The following CFAP20DC variants were observed in gnomAD, a reference collection of about 807,000 sequenced individuals.
CFAP20DC encodes CFAP20 domain containing.
Under a neutral mutation model 101.7 loss-of-function variants are expected in CFAP20DC, and 84 were observed. The observed-to-expected ratio is 0.83, with a 90% CI of 0.69 to 0.99. CFAP20DC has a LOEUF of 0.99. Among genes scored for constraint, CFAP20DC ranks in the 50% least tolerant of loss-of-function variants. The pLI, the probability that CFAP20DC is intolerant of heterozygous loss-of-function variation, is 0.00. For synonymous variants in CFAP20DC, 359 were observed against 351.2 expected, an observed-to-expected ratio of 1.02 and a Z score of -0.25; for missense variants, 1,007 against 970.3, an observed-to-expected ratio of 1.04 and a Z score of -0.50.
In CFAP20DC at chr3:58,932,810, T is replaced by C. The variant is rs2086904752; in HGVS notation, c.393+4838A>G. The stretch of plus-strand genomic sequence containing the variant: ...GAAAGGAACAACCAGTACCAGCAAC[T>C]GCAAAATCATGCCAAATTGTAAAGA... On this transcript the variant is annotated intron_variant, in intron 5 of 16. Transcript: ENST00000482387. 2.0e-5 allele frequency among the ~76,000 whole-genome samples: 3 copies of C among 152,182 alleles called. No individual in the cohort carries two copies. In the South Asian group the frequency reaches 6.2e-4, roughly 32 times the overall value.
At chr3:58,945,044 T>C (rs534862496) in intron 4 of CFAP20DC, among the ~76,000 whole-genome samples, 1 of 152,222 alleles carries the variant, frequency 6.6e-6, no homozygotes, top group Admixed American at 6.5e-5. Flanking sequence ...GCCAACAATG[T>C]ATTAAGCACT....
intron 15 of CFAP20DC, among the ~76,000 whole-genome samples, chr3:58,759,453 G>T (rs1269431046): frequency 6.6e-6 from 1 of 152,154 alleles, no homozygotes; most frequent in Admixed American, 6.5e-5. Flanking sequence ...CAGATGAGTA[G>T]ATTGCAAAAA....
At chr3:58,973,836 G>C (rs1185761497) in intron 4 of CFAP20DC, among the ~76,000 whole-genome samples, 3 of 152,136 alleles carry the variant, frequency 2.0e-5, no homozygotes, top group African/African-American at 7.2e-5. Flanking sequence ...ACTAGAGTCA[G>C]AGCAATTGGA....
Position 58,861,617 on chromosome 3 carries a change from T to G in CFAP20DC, c.1593+1941A>C. On this transcript the variant is annotated intron_variant, in intron 12 of 16. Transcript: ENST00000482387. This position sits in a 1 kb window ranked among gnomAD's most constrained non-coding sequence, Gnocchi z 4.0. ...TTTAAATATAGCCTAGCATTTTTGTTGGTCCTATTTTTGTATCTTAGCTTG... is the reference window on the plus strand; with the variant it reads ...TTTAAATATAGCCTAGCATTTTTGTGGGTCCTATTTTTGTATCTTAGCTTG... The G allele has an allele frequency of 1.0e-6, 1 of 985,462 alleles. No homozygotes were observed. Among genetic ancestry groups the G allele is most frequent in the Non-Finnish European group, 1.2e-6 (1 of 829,926 alleles). 61.0% of individuals were successfully genotyped at this position (985,462 alleles called of 1,614,324 possible).
chr3:58,805,306 A>C (rs1174035508), intron 15 of CFAP20DC, among the ~76,000 whole-genome samples: 3 of 152,178 alleles, frequency 2.0e-5, no homozygotes, highest in Non-Finnish European at 4.4e-5. Flanking sequence ...GGAGGAAGCA[A>C]GCAGAGATGG....
chr3:59,023,787 T>G (rs1264021987), intron 4 of CFAP20DC, among the ~76,000 whole-genome samples: 1 of 152,124 alleles, frequency 6.6e-6, no homozygotes, highest in Non-Finnish European at 1.5e-5. Flanking sequence ...AAACACAGAA[T>G]TTAAATGTGG....
Position 58,869,236 on chromosome 3 carries a change from C to A in CFAP20DC, c.1015+92G>T. 9.7e-7 allele frequency: 1 copy of A among 1,035,114 alleles called. No homozygotes were observed. The highest frequency in any genetic ancestry group is 2.6e-5 in the East Asian group (1 of 39,162). 64.1% of individuals were successfully genotyped at this position (1,035,114 alleles called of 1,614,324 possible). A position where few individuals can be genotyped will look rare whatever the true frequency, so the allele number is the denominator to read the frequency against. On this transcript the variant is annotated intron_variant, in intron 9 of 16. Transcript: ENST00000482387. This position sits in a 1 kb window ranked among gnomAD's most constrained non-coding sequence, Gnocchi z 4.3. The stretch of plus-strand genomic sequence containing the variant: ...AATGACAATTCTCTAGACTTAAGAT[C>A]TAGACTTGAATATAACTGCTGATTT...
rs377321845 is a variant in CFAP20DC, at chr3:58,910,141, G to A, written c.550+3567C>T. Among the ~76,000 whole-genome samples, 14 of 152,180 alleles carry A rather than the reference G, an allele frequency of 9.2e-5. No individual in the cohort carries two copies. In the South Asian group the frequency reaches 1.5e-3, roughly 16 times the overall value. The stretch of plus-strand genomic sequence containing the variant: ...TTTCTTTATTCAGTCTATCACTGAT[G>A]GGCATTTGGGTTGATTCCATGTATT... On this transcript the variant is annotated intron_variant, in intron 6 of 16. Transcript: ENST00000482387.
At chr3:58,908,647 T>C (rs1447644050) in intron 6 of CFAP20DC, among the ~76,000 whole-genome samples, 1 of 152,204 alleles carries the variant, frequency 6.6e-6, no homozygotes, top group Non-Finnish European at 1.5e-5. Flanking sequence ...ACCACAATCC[T>C]TGGTATATCC....
At chr3:58,851,231 G>A (rs965847977) in intron 12 of CFAP20DC, among the ~76,000 whole-genome samples, 2 of 152,132 alleles carry the variant, frequency 1.3e-5, no homozygotes, top group South Asian at 2.1e-4. Flanking sequence ...GAAGGCATGG[G>A]TATACGTTTA....
intron 14 of CFAP20DC, among the ~76,000 whole-genome samples, chr3:58,811,600 C>G (rs1415165394): frequency 6.6e-6 from 1 of 152,058 alleles, no homozygotes; most frequent in Non-Finnish European, 1.5e-5. Context: ...ACCATAAAAA[C>G]CCTAGAAGAA....
At chr3:58,948,484 C>T (rs1460231267) in intron 4 of CFAP20DC, among the ~76,000 whole-genome samples, 3 of 152,178 alleles carry the variant, frequency 2.0e-5, no homozygotes, top group African/African-American at 4.8e-5. Context: ...GAGCCATGAA[C>T]TGATGCAAAT....
At chr3:58,749,224 G>C (rs992651412) in intron 16 of CFAP20DC, among the ~76,000 whole-genome samples, 2 of 152,122 alleles carry the variant, frequency 1.3e-5, no homozygotes, top group African/African-American at 4.8e-5. Flanking sequence ...GCCACACTAG[G>C]CATTGGGGAT....
In CFAP20DC at chr3:59,006,922, T is replaced by C. The variant is rs1376491313; in HGVS notation, c.278+32635A>G. On this transcript the variant is annotated intron_variant, in intron 4 of 16. Transcript: ENST00000482387. This position sits in a 1 kb window ranked among gnomAD's most constrained non-coding sequence, Gnocchi z 4.3. ...AGGCCTGAAAGCCTTGCTTGCTTTC[T>C]CAGCGTGGAAGCTTATGGCCTGGGG... Among the ~76,000 whole-genome samples, 1 of 152,222 alleles carries C rather than the reference T, an allele frequency of 6.6e-6. No individual in the cohort carries two copies. Among genetic ancestry groups the C allele is most frequent in the African/African-American group, 2.4e-5 (1 of 41,464 alleles).
intron 4 of CFAP20DC, among the ~76,000 whole-genome samples, chr3:58,982,209 C>T (rs2092579067): frequency 6.6e-6 from 1 of 152,178 alleles, no homozygotes; most frequent in African/African-American, 2.4e-5. Context: ...CAGGAAACAA[C>T]AGGTGCTGGA....
At chr3:59,041,928 C>T (rs563635328) in intron 3 of CFAP20DC, among the ~76,000 whole-genome samples, 3 of 152,122 alleles carry the variant, frequency 2.0e-5, no homozygotes, top group Non-Finnish European at 2.9e-5. Flanking sequence ...GCACCTACTA[C>T]GTACAAGACT....
At chr3:58,835,854 C>T (rs951562693) in intron 13 of CFAP20DC, among the ~76,000 whole-genome samples, 8 of 152,184 alleles carry the variant, frequency 5.3e-5, no homozygotes, top group African/African-American at 1.9e-4. Flanking sequence ...GACTCCAGCA[C>T]AAGATGTCAT....
intron 12 of CFAP20DC, 148 bp from the exon 13 acceptor site, chr3:58,849,557 C>T (rs1026913390): frequency 1.6e-6 from 1 of 624,380 alleles, no homozygotes; most frequent in African/African-American, 1.9e-5. Context: ...CAAAGAAAAA[C>T]ATGAGTAACT....
intron 5 of CFAP20DC, among the ~76,000 whole-genome samples, chr3:58,936,841 T>C (rs1161436612): frequency 6.6e-6 from 1 of 151,776 alleles, no homozygotes; most frequent in Non-Finnish European, 1.5e-5. Context: ...AGTTACTGGG[T>C]GCAGCACACC....
Sources: gnomAD v4.1 joint callset for allele counts (sites outside exome capture counted in the v4.1 genomes callset) on GRCh38, gnomAD v4.1.1 for gene constraint, Gnocchi (gnomAD v3.1) non-coding constraint, MANE v1.5 for transcripts, NCBI Gene and HGNC (gene_info 2026-07-23, HGNC 2026-07-21) for gene names.